The following AP2A1 variants were observed in gnomAD, a reference collection of about 807,000 sequenced individuals.
AP2A1 encodes the protein AP-2 complex subunit alpha-1.
Under a neutral mutation model 107.3 loss-of-function variants are expected in AP2A1, and 21 were observed. The ratio of observed to expected loss-of-function variants is 0.20; its 90% CI spans 0.14 to 0.28. The LOEUF (loss-of-function observed/expected upper bound fraction) is 0.28, where lower values mean the gene tolerates loss of function less well. Among genes scored for constraint, AP2A1 ranks in the 10% least tolerant of loss-of-function variants. AP2A1 has a pLI of 1.00. For missense variants in AP2A1, 873 were observed against 1,307.7 expected, an observed-to-expected ratio of 0.67 and a Z score of 5.13; for synonymous variants, 602 against 564.8, an observed-to-expected ratio of 1.07 and a Z score of -0.93.
chr19:49,790,284 C>T (rs1326064852), intron 4 of AP2A1, among the ~76,000 whole-genome samples: 1 of 152,200 alleles, frequency 6.6e-6, no homozygotes, highest in Non-Finnish European at 1.5e-5. Context: ...TGCCTGACCT[C>T]TGTTCCATCC....
chr19:49,781,178 T>C (rs1568576353), intron 1 of AP2A1, among the ~76,000 whole-genome samples: 2 of 151,808 alleles, frequency 1.3e-5, no homozygotes, highest in Non-Finnish European at 2.9e-5. Context: ...CCCAGACAAA[T>C]TGGGGAGAGG....
At chr19:49,777,058 G>T (rs1381750981) in intron 1 of AP2A1, among the ~76,000 whole-genome samples, 1 of 148,856 alleles carries the variant, frequency 6.7e-6, no homozygotes, top group East Asian at 2.0e-4. Flanking sequence ...GTGAAACCCT[G>T]TCTCTACTAA....
intron 1 of AP2A1, among the ~76,000 whole-genome samples, chr19:49,778,320 C>G (rs946885010): frequency 6.6e-6 from 1 of 152,104 alleles, no homozygotes; most frequent in Non-Finnish European, 1.5e-5. Context: ...TGGTGGCTTA[C>G]ACCTGTAATC....
At chr19:49,804,623 T>C (rs1240202089) in intron 18 of AP2A1, 1 of 151,966 alleles carries the variant, frequency 6.6e-6, no homozygotes, top group Non-Finnish European at 1.5e-5. Flanking sequence ...CAAAAGAACA[T>C]GAGACCCAGG....
In AP2A1 at chr19:49,793,046, A is replaced by G. The variant is rs1166040968; in HGVS notation, c.659A>G (p.Asp220Gly). The change falls in exon 6 of 23, where the codon GAT becomes GGT. Residue 220 changes from aspartate (D) to glycine (G), a missense_variant. Physicochemically the swap from Asp to Gly is moderately conservative, Grantham distance 94. Coordinates refer to ENST00000354293, the MANE Select transcript of AP2A1 (RefSeq NM_130787.3). ...ACCTGTCTCTGCAAGAAGAACCCAG[A>G]TGACTTCAAGACGTGCGTCTCTCTG... ...LITCLCKKNP[D>G]DFKTCVSLAV... 6.2e-7 allele frequency: 1 copy of G among 1,610,918 alleles called. No homozygotes were observed. The highest frequency in any genetic ancestry group is 8.5e-7 in the Non-Finnish European group (1 of 1,178,698).
Position 49,803,756 on chromosome 19 carries a change from AC to A in AP2A1, c.2344+381del, listed in dbSNP as rs139697446. 590 of 326,148 alleles carry A rather than the reference AC, an allele frequency of 1.8e-3. 11 individuals carry two copies. The East Asian group carries it at 0.04, about 22-fold the overall frequency. 20.2% of individuals were successfully genotyped at this position (326,148 alleles called of 1,614,324 possible). On this transcript the variant is annotated intron_variant, in intron 18 of 22. Coordinates refer to ENST00000354293, the MANE Select transcript of AP2A1 (RefSeq NM_130787.3). ...GATCAGGCCTGATCTGGGCTGAGTC[AC>A]TTTGCCTCTCTGGGCTCTCCTGTCC...
Position 49,794,965 on chromosome 19 carries a change from G to A in AP2A1, c.706-665G>A, listed in dbSNP as rs148152035. Among the ~76,000 whole-genome samples, 14 of 152,324 alleles carry A rather than the reference G, an allele frequency of 9.2e-5. No homozygotes were observed. In the East Asian group the frequency reaches 2.5e-3, roughly 27 times the overall value. ...GGCGTGAGCCACTGCACCTGGCCAT[G>A]ATCTTTCAATCTTTCACTAATTCCC... On this transcript the variant is annotated intron_variant, in intron 6 of 22. Transcript: ENST00000354293.
chr19:49,806,242 G>GCC lies in AP2A1; in HGVS notation c.2781_2782dup (p.Gln928ProfsTer8). The GCC allele has an allele frequency of 6.2e-7, 1 of 1,606,440 alleles. No individual in the cohort carries two copies. Among genetic ancestry groups the GCC allele is most frequent in the Non-Finnish European group, 8.5e-7 (1 of 1,176,956 alleles). On this transcript the variant is annotated frameshift_variant, in exon 22 of 23. Coordinates refer to ENST00000354293, the MANE Select transcript of AP2A1 (RefSeq NM_130787.3). LOFTEE classifies it high-confidence loss of function. ...CTGTCTGCTTCGGCTGGAGCCCAAT[G>GCC]CCCAGGCCCAGGTGAGTGCTGCTGT...
chr19:49,805,602 G>A (rs955497522), intron 19 of AP2A1, 26 bp downstream of exon 19: 2 of 1,559,446 alleles, frequency 1.3e-6, no homozygotes, highest in Non-Finnish European at 1.7e-6. Context: ...CGCGGCCGGT[G>A]GGCGGAGCCT....
chr19:49,793,523 C>T (rs2073172396), intron 6 of AP2A1, among the ~76,000 whole-genome samples: 1 of 152,184 alleles, frequency 6.6e-6, no homozygotes, highest in Admixed American at 6.5e-5. Flanking sequence ...GCGTCCCTCT[C>T]CCACCTTTGC....
Position 49,781,993 on chromosome 19 carries a change from AC to A in AP2A1, c.184del (p.Leu62CysfsTer19), listed in dbSNP as rs1568576791. The A allele has an allele frequency of 6.2e-7, 1 of 1,610,204 alleles. No homozygotes were observed. The highest frequency in any genetic ancestry group is 8.5e-7 in the Non-Finnish European group (1 of 1,178,104). ...ACAGTAAGAAAAAATATGTGTGTAA[AC>A]TGCTTTTCATCTTCCTGCTTGGCCA... ...GYSKKKYVCK[L>X]LFIFLLGHDI... On this transcript the variant is annotated frameshift_variant, in exon 3 of 23. Coordinates refer to ENST00000354293, the MANE Select transcript of AP2A1 (RefSeq NM_130787.3). LOFTEE classifies it high-confidence loss of function.
At position 49,805,515 on chromosome 19, in the gene AP2A1, G is replaced by C. The variant is rs1440107884; in HGVS notation, c.2407G>C (p.Val803Leu). 6.4e-7 allele frequency: 1 copy of C among 1,567,466 alleles called. No individual in the cohort carries two copies. The highest frequency in any genetic ancestry group is 8.6e-7 in the Non-Finnish European group (1 of 1,157,400). ...QVDGGAQVQQVLNIECLRDFL... is the reference protein window; with the variant it reads ...QVDGGAQVQQLLNIECLRDFL... ...GGACGGCGGCGCGCAGGTGCAGCAG[G>C]TGCTCAATATCGAGTGCCTGCGGGA... Residue 803 changes from valine to leucine, a missense_variant, in exon 19 of 23, where the codon GTG becomes CTG. By Grantham distance (32) the Val-to-Leu change is conservative. This residue lies in a region of AP2A1 where 416 missense variants were observed against 473.4 expected (regional missense o/e 0.88). Coordinates refer to ENST00000354293, the MANE Select transcript of AP2A1 (RefSeq NM_130787.3).
chr19:49,806,462 C>T, intron 22 of AP2A1: 4 of 1,437,894 alleles, frequency 2.8e-6, no homozygotes, highest in Non-Finnish European at 3.6e-6. Flanking sequence ...CTGTCCCTCC[C>T]TGATTTCTAC....
intron 6 of AP2A1, 86 bp from the exon 7 acceptor site, chr19:49,795,544 A>C (rs2073201214): frequency 1.2e-6 from 1 of 869,120 alleles, no homozygotes; most frequent in Admixed American, 2.1e-5. Context: ...TGCCCTTGGA[A>C]GGCACCATTT....
chr19:49,776,347 C>T (rs2084617509), intron 1 of AP2A1, among the ~76,000 whole-genome samples: 1 of 152,144 alleles, frequency 6.6e-6, no homozygotes, highest in Admixed American at 6.6e-5. Context: ...TCCATTTCAG[C>T]CTCATCTTTT....
In AP2A1 at chr19:49,785,784, G is replaced by A. The variant is rs2084729425; in HGVS notation, c.473+3060G>A. Among the ~76,000 whole-genome samples the A allele has an allele frequency of 6.6e-6, 1 of 152,104 alleles. No homozygotes were observed. The highest frequency in any genetic ancestry group is 6.6e-5 in the Admixed American group (1 of 15,266). On this transcript the variant is annotated intron_variant, in intron 4 of 22. Coordinates refer to ENST00000354293, the MANE Select transcript of AP2A1 (RefSeq NM_130787.3). The surrounding 1 kb of genome is among the most constrained non-coding windows in gnomAD (Gnocchi z 4.1). ...ATACAAAAATTAGTCAGGTGTGGTG[G>A]CGGGCACCTGTAATCCCAGCTACTT...
At chr19:49,792,485 A>T (rs140640263) in intron 5 of AP2A1, among the ~76,000 whole-genome samples, 3 of 151,854 alleles carry the variant, frequency 2.0e-5, no homozygotes, top group South Asian at 2.1e-4. Context: ...ACCATGATCC[A>T]GTGTCCCCGG....
chr19:49,794,583 C>G (rs1181855293), intron 6 of AP2A1, among the ~76,000 whole-genome samples: 1 of 152,158 alleles, frequency 6.6e-6, no homozygotes, highest in Admixed American at 6.6e-5. Flanking sequence ...CACAGACCAG[C>G]ACGGAGGTGG....
intron 7 of AP2A1, among the ~76,000 whole-genome samples, chr19:49,798,164 T>C (rs143357750): frequency 1.1e-3 from 160 of 152,318 alleles, no homozygotes; most frequent in African/African-American, 3.7e-3. Flanking sequence ...TGCATACACT[T>C]GAAAACACGT....
Sources: allele counts gnomAD v4.1 joint callset (sites outside exome capture counted in the v4.1 genomes callset), GRCh38; gene constraint gnomAD v4.1.1; regional missense constraint gnomAD v4.1.1; non-coding constraint Gnocchi (gnomAD v3.1); transcripts MANE v1.5; gene names NCBI Gene and HGNC (gene_info 2026-07-23, HGNC 2026-07-21).